The following TET1 variants were observed in gnomAD, a reference collection of about 807,000 sequenced individuals.
The protein encoded by TET1 is methylcytosine dioxygenase TET1.
TET1 carries 13 observed loss-of-function variants against 148.7 expected under a neutral mutation model. The ratio of observed to expected loss-of-function variants is 0.09; its 90% CI spans 0.06 to 0.14. TET1 has a LOEUF of 0.14. TET1 is among the 10% of genes least tolerant of loss of function. The pLI, the probability that TET1 is intolerant of heterozygous loss-of-function variation, is 1.00. For missense variants in TET1, 2,182 were observed against 2,553.8 expected, an observed-to-expected ratio of 0.85 and a Z score of 3.14; for synonymous variants, 907 against 937.2, an observed-to-expected ratio of 0.97 and a Z score of 0.59.
intron 3 of TET1, among the ~76,000 whole-genome samples, chr10:68,631,497 G>A (rs552919628): frequency 3.9e-4 from 49 of 124,686 alleles, no homozygotes; most frequent in Middle Eastern, 5.3e-3. Flanking sequence ...TAGACAGGAT[G>A]ATCTCCATCT....
chr10:68,681,725 G>C (rs1330843714), intron 9 of TET1, among the ~76,000 whole-genome samples: 1 of 152,098 alleles, frequency 6.6e-6, no homozygotes. Flanking sequence ...CCAGAACTTT[G>C]GGAGGCCAAG....
intron 3 of TET1, among the ~76,000 whole-genome samples, chr10:68,607,402 T>A (rs903361835): frequency 9.4e-5 from 12 of 127,736 alleles, no homozygotes; most frequent in African/African-American, 2.9e-4. Flanking sequence ...TTTGTTTGGA[T>A]CTTAAGTTTT....
chr10:68,626,190 T>C (rs1197306108), intron 3 of TET1, among the ~76,000 whole-genome samples: 1 of 152,000 alleles, frequency 6.6e-6, no homozygotes. Context: ...TGACTTCTAA[T>C]GTCTTTTAAA....
chr10:68,647,559 G>T (rs2054869605), intron 4 of TET1, among the ~76,000 whole-genome samples: 1 of 151,820 alleles, frequency 6.6e-6, no homozygotes, highest in African/African-American at 2.4e-5. Flanking sequence ...AGCCAAGATT[G>T]TGCCACTCCC....
intron 1 of TET1, among the ~76,000 whole-genome samples, chr10:68,564,289 C>T (rs1017422985): frequency 2.6e-5 from 4 of 151,694 alleles, no homozygotes; most frequent in African/African-American, 7.3e-5. Flanking sequence ...GCTAGGATTA[C>T]GGGCATGCGC....
intron 7 of TET1, among the ~76,000 whole-genome samples, chr10:68,669,474 C>CTTTTTTTTTTTTT (rs3085667): frequency 4.9e-5 from 3 of 61,614 alleles, no homozygotes; most frequent in African/African-American, 1.3e-4. Context: ...CCATGCCCAG[C>CTTTTTTTTTTTTT]TTTTTTTTTT....
intron 2 of TET1, among the ~76,000 whole-genome samples, chr10:68,580,796 A>AT (rs1243077994): frequency 7.2e-5 from 10 of 138,350 alleles, no homozygotes; most frequent in South Asian, 2.3e-4. Flanking sequence ...AAAAAAAAAA[A>AT]AAAAAAAAAA....
intron 3 of TET1, among the ~76,000 whole-genome samples, chr10:68,608,678 G>A (rs2054162298): frequency 6.6e-6 from 1 of 152,124 alleles, no homozygotes; most frequent in Admixed American, 6.5e-5. Context: ...GGGACTAAAA[G>A]TGTGTGCCAC....
Position 68,646,801 on chromosome 10 carries a change from G to A in TET1, c.4072G>A (p.Val1358Ile), listed in dbSNP as rs2054857136. Residue 1358 changes from valine (V) to isoleucine (I), a missense_variant, in exon 4 of 12, where the codon GTA becomes ATA. Physicochemically the swap from Val to Ile is conservative, Grantham distance 29. Around this residue, in one of 11 missense-constraint regions of TET1, gnomAD observed 169 missense variants for 263.7 expected, o/e 0.64. Coordinates refer to ENST00000373644, the MANE Select transcript of TET1 (RefSeq NM_030625.3). ...ESALTLRNVN[V>I]VCSGGITVVS... ...AGCACTAACTCTCAGGAATGTAAAT[G>A]TAGTGTGTTCAGGTGGAATTACAGT... 2.5e-6 allele frequency: 4 copies of A among 1,614,196 alleles called. No individual in the cohort carries two copies. The highest frequency in any genetic ancestry group is 3.4e-6 in the Non-Finnish European group (4 of 1,180,038).
At chr10:68,666,121 A>AT (rs140722596) in intron 6 of TET1, among the ~76,000 whole-genome samples, 29,470 of 147,716 alleles carry the variant, frequency 0.2, 3,768 homozygotes, top group African/African-American at 0.37. Flanking sequence ...TTTGTATAGA[A>AT]TTTTTTTTTT....
At chr10:68,655,153 A>C (rs956197886) in intron 6 of TET1, among the ~76,000 whole-genome samples, 3 of 152,204 alleles carry the variant, frequency 2.0e-5, no homozygotes, top group Non-Finnish European at 4.4e-5. Flanking sequence ...CAACATAGCA[A>C]GACCCCACAT....
Position 68,656,371 on chromosome 10 carries a change from T to TCCTGCCTCAGC in TET1, c.4461+3779_4461+3789dup, listed in dbSNP as rs2055022077. ...TCCGCCTCCTGGGTTCACACCATTCTCCTGCCTCAGCCTCCTGAGTAGCTG... is the reference window on the plus strand; with the variant it reads ...TCCGCCTCCTGGGTTCACACCATTCTCCTGCCTCAGCCCTGCCTCAGCCTCCTGAGTAGCTG... On this transcript the variant is annotated intron_variant, in intron 6 of 11. Coordinates refer to ENST00000373644, the MANE Select transcript of TET1 (RefSeq NM_030625.3). Among the ~76,000 whole-genome samples, 7 of 152,238 alleles carry TCCTGCCTCAGC rather than the reference T, an allele frequency of 4.6e-5. No homozygotes were observed. The South Asian group carries it at 1.5e-3, about 32-fold the overall frequency.
In TET1 at chr10:68,560,608, G is replaced by A; in HGVS notation, c.-257G>A. 1 of 152,712 alleles carries A rather than the reference G, an allele frequency of 6.5e-6. No individual in the cohort carries two copies. Among genetic ancestry groups the A allele is most frequent in the Non-Finnish European group, 1.5e-5 (1 of 68,338 alleles). The allele number at this position is 152,712 out of a possible 1,614,324, so 9.5% of individuals were successfully genotyped here. On this transcript the variant is annotated 5_prime_UTR_variant, in exon 1 of 12. Coordinates refer to ENST00000373644, the MANE Select transcript of TET1 (RefSeq NM_030625.3). ...GGTAGGCGTCCTCCGCGACCCGCCCGCGCCCCTCGCGCCCGCCGGGGCCCC... is the reference window on the plus strand; with the variant it reads ...GGTAGGCGTCCTCCGCGACCCGCCCACGCCCCTCGCGCCCGCCGGGGCCCC...
Position 68,691,847 on chromosome 10 carries a change from G to C in TET1, c.*33G>C, listed in dbSNP as rs1406354168. On this transcript the variant is annotated 3_prime_UTR_variant, in exon 12 of 12. Transcript: ENST00000373644. The surrounding 1 kb of genome is among the most constrained non-coding windows in gnomAD (Gnocchi z 4.4). ...TCTCCCCCTCTTAATGCCTTTGCTA[G>C]TGCAGTGTATTTTTTCAAGGTGCTG... is the stretch of plus-strand genomic sequence containing the variant. 4 of 1,556,516 alleles carry C rather than the reference G, an allele frequency of 2.6e-6. No homozygotes were observed. In the Admixed American group the frequency reaches 8.2e-5, roughly 32 times the overall value.
At chr10:68,561,670 TCTC>T (rs1168341281) in intron 1 of TET1, among the ~76,000 whole-genome samples, 1 of 149,866 alleles carries the variant, frequency 6.7e-6, no homozygotes, top group African/African-American at 2.5e-5. Context: ...GAAAAAATGC[TCTC>T]CTCTCTCTCT....
chr10:68,644,601 CA>C, intron 3 of TET1, 96 bp from the exon 4 acceptor site: 1 of 1,224,338 alleles, frequency 8.2e-7, no homozygotes, highest in Non-Finnish European at 1.1e-6. Context: ...GCTGTATCCA[CA>C]GGGGCTTTAC....
chr10:68,627,934 T>TA lies in TET1; in HGVS notation c.1969-16754dup, dbSNP rs34319303. 2.6e-4 allele frequency among the ~76,000 whole-genome samples: 38 copies of TA among 147,440 alleles called. 1 individual carries two copies. The highest frequency in any genetic ancestry group is 1.5e-3 in the Admixed American group (22 of 14,768). Reference sequence around the variant, plus strand: ...CGGGGCGGCTGAGCGAGACTATGTCTAAAAAAAAAAGAAGAAAGAAAGCAC... The same window carrying TA: ...CGGGGCGGCTGAGCGAGACTATGTCTAAAAAAAAAAAGAAGAAAGAAAGCAC... On this transcript the variant is annotated intron_variant, in intron 3 of 11. Coordinates refer to ENST00000373644, the MANE Select transcript of TET1 (RefSeq NM_030625.3).
chr10:68,586,002 CA>C (rs36101307), intron 2 of TET1, among the ~76,000 whole-genome samples: 13,040 of 131,972 alleles, frequency 0.099, 749 homozygotes, highest in East Asian at 0.21. Context: ...GACTCCATCT[CA>C]AAAAAAAAAA....
In TET1 at chr10:68,588,089, C is replaced by G. The variant is rs372859821; in HGVS notation, c.1915-12892C>G. ...TGTTGGTCAGGCGGGTCTTGAACTC[C>G]TGACCTCACGTGATCCACCCGCCTG... On this transcript the variant is annotated intron_variant, in intron 2 of 11. Transcript: ENST00000373644. 7.6e-4 allele frequency among the ~76,000 whole-genome samples: 116 copies of G among 152,232 alleles called. 3 individuals are homozygous for G. In the South Asian group the frequency reaches 0.023, roughly 30 times the overall value.
Sources: gnomAD v4.1 joint callset for allele counts (sites outside exome capture counted in the v4.1 genomes callset) on GRCh38, gnomAD v4.1.1 for gene constraint, gnomAD v4.1.1 regional missense constraint, Gnocchi (gnomAD v3.1) non-coding constraint, MANE v1.5 for transcripts, NCBI Gene and HGNC (gene_info 2026-07-23, HGNC 2026-07-21) for gene names.